Variants in SNTG1 observed in about 807,000 individuals in gnomAD.
The protein encoded by SNTG1 is gamma-1-syntrophin.
Under a neutral mutation model 74.7 loss-of-function variants are expected in SNTG1, and 39 were observed. The ratio of observed to expected loss-of-function variants is 0.52; its 90% CI spans 0.40 to 0.68. SNTG1 has a LOEUF of 0.68. SNTG1 is among the 30% of genes least tolerant of loss of function. SNTG1 has a pLI of 0.00. For synonymous variants in SNTG1, 254 were observed against 217.1 expected, an observed-to-expected ratio of 1.17 and a Z score of -1.49; for missense variants, 685 against 609.5, an observed-to-expected ratio of 1.12 and a Z score of -1.30.
At chr8:50,610,848 T>C (rs1021061105) in intron 13 of SNTG1, among the ~76,000 whole-genome samples, 3 of 152,194 alleles carry the variant, frequency 2.0e-5, no homozygotes, top group Admixed American at 6.5e-5. Context: ...ATAGTCTGCA[T>C]TAGGTTGACT....
chr8:50,689,672 G>A (rs183169219), intron 15 of SNTG1, among the ~76,000 whole-genome samples: 1 of 152,138 alleles, frequency 6.6e-6, no homozygotes, highest in Non-Finnish European at 1.5e-5. Context: ...GAGGATTTTT[G>A]CATTGATGTT....
intron 2 of SNTG1, among the ~76,000 whole-genome samples, chr8:50,177,375 C>G (rs2083038037): frequency 1.3e-5 from 2 of 152,100 alleles, no homozygotes; most frequent in Admixed American, 6.5e-5. Context: ...CTCTCACTAC[C>G]CCATGGTTAT....
intron 1 of SNTG1, among the ~76,000 whole-genome samples, chr8:50,087,639 A>G (rs1463348823): frequency 6.6e-6 from 1 of 152,210 alleles, no homozygotes; most frequent in Middle Eastern, 3.2e-3. Flanking sequence ...ATCAAAGCAT[A>G]AACTTAATAA....
At chr8:50,701,586 C>T (rs67729017) in intron 15 of SNTG1, among the ~76,000 whole-genome samples, 30,106 of 144,950 alleles carry the variant, frequency 0.21, 3,530 homozygotes, top group South Asian at 0.31. Flanking sequence ...CTTTTTCTTC[C>T]TCTTCTTCTT....
At chr8:50,226,287 C>G (rs2085324591) in intron 2 of SNTG1, among the ~76,000 whole-genome samples, 1 of 152,106 alleles carries the variant, frequency 6.6e-6, no homozygotes, top group African/African-American at 2.4e-5. Flanking sequence ...GACTCACTTT[C>G]CAATCTGACT....
intron 13 of SNTG1, among the ~76,000 whole-genome samples, chr8:50,610,976 C>CAAA (rs34743525): frequency 6.6e-6 from 1 of 151,144 alleles, no homozygotes; most frequent in African/African-American, 2.4e-5. Context: ...TAAGAAATAG[C>CAAA]AAAAAAAAAT....
chr8:50,655,345 C>T (rs1290826014), intron 13 of SNTG1, among the ~76,000 whole-genome samples: 2 of 152,088 alleles, frequency 1.3e-5, no homozygotes, highest in Non-Finnish European at 2.9e-5. Context: ...GTGTTGTTAT[C>T]TGATCAACTA....
At chr8:50,167,681 C>A (rs1267457982) in intron 1 of SNTG1, among the ~76,000 whole-genome samples, 1 of 150,856 alleles carries the variant, frequency 6.6e-6, no homozygotes. Context: ...GACATGGTGG[C>A]ATGCGCCTGT....
intron 4 of SNTG1, among the ~76,000 whole-genome samples, chr8:50,419,717 A>T (rs1413764966): frequency 6.6e-6 from 1 of 152,212 alleles, no homozygotes; most frequent in African/African-American, 2.4e-5. Flanking sequence ...ACAGATATCA[A>T]ATCTGAAATG....
At chr8:50,504,094 T>C (rs2129745762) in intron 9 of SNTG1, among the ~76,000 whole-genome samples, 1 of 152,278 alleles carries the variant, frequency 6.6e-6, no homozygotes, top group Non-Finnish European at 1.5e-5. Context: ...GTGAAGTATT[T>C]GGTTTTCTGT....
chr8:50,282,660 G>A lies in SNTG1; in HGVS notation c.-28+110025G>A, dbSNP rs571667371. Among the ~76,000 whole-genome samples, 4 of 152,258 alleles carry A rather than the reference G, an allele frequency of 2.6e-5. No individual in the cohort carries two copies. The East Asian group carries it at 7.7e-4, about 29-fold the overall frequency. Reference sequence around the variant, plus strand: ...ACACGCTTGTAGTCCCAGCTACTCTGGAGGCTGAGGCAGGAGAATCACTTG... The same window carrying A: ...ACACGCTTGTAGTCCCAGCTACTCTAGAGGCTGAGGCAGGAGAATCACTTG... On this transcript the variant is annotated intron_variant, in intron 2 of 18. Transcript: ENST00000642720.
chr8:50,690,778 T>G (rs200440654), intron 15 of SNTG1, among the ~76,000 whole-genome samples: 4 of 152,148 alleles, frequency 2.6e-5, no homozygotes, highest in East Asian at 1.9e-4. Flanking sequence ...TTGGTGCAGA[T>G]CTGAGTTCAA....
At chr8:50,744,950 A>G (rs949046381) in intron 17 of SNTG1, among the ~76,000 whole-genome samples, 1 of 152,028 alleles carries the variant, frequency 6.6e-6, no homozygotes, top group Non-Finnish European at 1.5e-5. Flanking sequence ...TAAAACTTGT[A>G]GAAGAAAGCA....
At chr8:50,631,685 CTTT>C (rs1175374246) in intron 13 of SNTG1, among the ~76,000 whole-genome samples, 4 of 152,306 alleles carry the variant, frequency 2.6e-5, no homozygotes, top group South Asian at 2.1e-4. Flanking sequence ...TTTATTACTT[CTTT>C]AAGTGTGATT....
chr8:50,646,013 C>A (rs181565595), intron 13 of SNTG1, among the ~76,000 whole-genome samples: 409 of 151,844 alleles, frequency 2.7e-3, no homozygotes, highest in African/African-American at 9.5e-3. Flanking sequence ...TTTTTGTACT[C>A]GTTAAAAAAA....
chr8:50,743,782 A>G (rs1363371286), intron 17 of SNTG1, among the ~76,000 whole-genome samples: 1 of 151,998 alleles, frequency 6.6e-6, no homozygotes, highest in East Asian at 1.9e-4. Flanking sequence ...TTGGATCAGT[A>G]TAAAGAAATA....
At chr8:50,764,766 C>T (rs2095609320) in intron 18 of SNTG1, among the ~76,000 whole-genome samples, 2 of 151,604 alleles carry the variant, frequency 1.3e-5, no homozygotes, top group African/African-American at 4.8e-5. Context: ...AGCCAGCAAT[C>T]CCATTTCTGA....
chr8:50,427,404 T>A (rs77464202), intron 4 of SNTG1, among the ~76,000 whole-genome samples: 1,761 of 152,254 alleles, frequency 0.012, 36 homozygotes, highest in African/African-American at 0.037. Flanking sequence ...CTAATGCAAA[T>A]ATTCAAATAT....
At chr8:50,259,473 T>C (rs1482478847) in intron 2 of SNTG1, among the ~76,000 whole-genome samples, 1 of 130,886 alleles carries the variant, frequency 7.6e-6, no homozygotes, top group Non-Finnish European at 1.5e-5. Flanking sequence ...CATTCCAGCC[T>C]GGGCGACAGA....
Sources: gnomAD v4.1 joint callset for allele counts (sites outside exome capture counted in the v4.1 genomes callset) on GRCh38, gnomAD v4.1.1 for gene constraint, MANE v1.5 for transcripts, NCBI Gene and HGNC (gene_info 2026-07-23, HGNC 2026-07-21) for gene names.